WDR7: variants seen among roughly 807,000 people sequenced by gnomAD.
WDR7 encodes the protein WD repeat-containing protein 7.
In WDR7, 46 loss-of-function variants were observed where a neutral mutation model predicts 169.4. The observed-to-expected ratio is 0.27, with a 90% CI of 0.21 to 0.35. The LOEUF (loss-of-function observed/expected upper bound fraction) is 0.35. WDR7 is among the 10% of genes least tolerant of loss of function. The pLI, the probability that WDR7 is intolerant of heterozygous loss-of-function variation, is 1.00. For missense variants in WDR7, 1,534 were observed against 1,859.3 expected (o/e 0.83, Z 3.22); for synonymous variants, 612 against 666.8 (o/e 0.92, Z 1.27).
chr18:56,945,719 GACAGCCACT>G (rs2047093940), intron 25 of WDR7, among the ~76,000 whole-genome samples: 1 of 152,128 alleles, frequency 6.6e-6, no homozygotes, highest in South Asian at 2.1e-4. Flanking sequence ...GGATCCACAT[GACAGCCACT>G]ACAGCTGACT....
chr18:56,753,539 G>T (rs549724647), intron 14 of WDR7, among the ~76,000 whole-genome samples: 31 of 152,246 alleles, frequency 2.0e-4, no homozygotes, highest in African/African-American at 7.0e-4. Flanking sequence ...AATGTTGTGG[G>T]AGTTGGATTC....
At chr18:57,010,111 T>G (rs1404407361) in intron 26 of WDR7, 1 of 985,308 alleles carries the variant, frequency 1.0e-6, no homozygotes, top group Non-Finnish European at 1.2e-6. Context: ...GCTGAGGAAC[T>G]CCATGTGGAA....
chr18:56,776,801 C>G lies in WDR7; in HGVS notation c.2868C>G (p.Ser956=). The stretch of plus-strand genomic sequence containing the variant: ...TGCAAGTTGCTGCACCTGTCGTTTC[C>G]GCTCGGTCTGATGCTGATCACTCTG... ...QIKQVAAPVV[S]ARSDADHSGS... Residue 956 remains serine, a synonymous_variant, in exon 17 of 28, where the codon TCC becomes TCG. Transcript: ENST00000254442. 1.2e-6 allele frequency: 2 copies of G among 1,613,904 alleles called. No individual in the cohort carries two copies. The highest frequency in any genetic ancestry group is 1.7e-6 in the Non-Finnish European group (2 of 1,179,878).
intron 19 of WDR7, chr18:56,782,064 A>AAAAACAAAGATCTGG (rs1374927538): frequency 3.9e-5 from 6 of 153,138 alleles, no homozygotes; most frequent in African/African-American, 1.2e-4. Context: ...GAATCCTTAG[A>AAAAACAAAGATCTGG]AAAACAAAGA....
intron 26 of WDR7, among the ~76,000 whole-genome samples, chr18:56,978,298 A>T (rs1396561666): frequency 2.6e-5 from 4 of 152,214 alleles, no homozygotes. Flanking sequence ...TAGGGATAAG[A>T]CAATTTTTTA....
intron 21 of WDR7, among the ~76,000 whole-genome samples, chr18:56,887,040 C>T (rs1000208943): frequency 6.6e-6 from 1 of 152,082 alleles, no homozygotes; most frequent in African/African-American, 2.4e-5. Context: ...TTCAGTACTC[C>T]ACTAACTGTG....
Position 56,696,396 on chromosome 18 carries a change from G to T in WDR7, c.1512G>T (p.Met504Ile). The T allele has an allele frequency of 6.2e-7, 1 of 1,614,102 alleles. No individual in the cohort carries two copies. The highest frequency in any genetic ancestry group is 8.5e-7 in the Non-Finnish European group (1 of 1,179,994). Residue 504 changes from methionine to isoleucine, a missense_variant, in exon 12 of 28, where the codon ATG (methionine) becomes ATT (isoleucine). Coordinates refer to ENST00000254442, the MANE Select transcript of WDR7 (RefSeq NM_015285.3). ...VIIWDIFSGE[M>I]KHIFCVHGGE... ...TTTGGGACATATTTTCTGGAGAAAT[G>T]AAACATATCTTCTGTGTTCATGGTG...
intron 14 of WDR7, among the ~76,000 whole-genome samples, chr18:56,748,767 A>G (rs1023540829): frequency 1.9e-4 from 29 of 152,144 alleles, no homozygotes; most frequent in Non-Finnish European, 3.2e-4. Context: ...GAATAATAGT[A>G]TATATTGTCT....
At chr18:56,707,426 G>GTTT (rs1232820703) in intron 12 of WDR7, among the ~76,000 whole-genome samples, 3 of 123,862 alleles carry the variant, frequency 2.4e-5, no homozygotes, top group African/African-American at 5.9e-5. Context: ...TTTGCGTTTT[G>GTTT]TTTTTTTTTT....
chr18:56,738,182 G>A (rs1350313487), intron 14 of WDR7, among the ~76,000 whole-genome samples: 1 of 152,142 alleles, frequency 6.6e-6, no homozygotes, highest in Non-Finnish European at 1.5e-5. Flanking sequence ...TTCCATTCTG[G>A]AGAGATACTA....
intron 22 of WDR7, among the ~76,000 whole-genome samples, chr18:56,935,084 A>T (rs1396003046): frequency 6.6e-6 from 1 of 152,096 alleles, no homozygotes; most frequent in East Asian, 1.9e-4. Context: ...GCATTCTCGG[A>T]GTTTGGGAAG....
chr18:56,973,203 C>T (rs974223507), intron 26 of WDR7, among the ~76,000 whole-genome samples: 4 of 152,170 alleles, frequency 2.6e-5, no homozygotes, highest in African/African-American at 9.6e-5. Context: ...CTGTGTTACA[C>T]TTTGAATGGC....
intron 16 of WDR7, among the ~76,000 whole-genome samples, chr18:56,759,960 T>C (rs548003834): frequency 6.6e-6 from 1 of 152,182 alleles, no homozygotes; most frequent in Non-Finnish European, 1.5e-5. Context: ...TGGTTCTCAT[T>C]GTGGAAGATA....
intron 14 of WDR7, among the ~76,000 whole-genome samples, chr18:56,745,540 G>T (rs1198940697): frequency 6.6e-6 from 1 of 152,064 alleles, no homozygotes; most frequent in African/African-American, 2.4e-5. Flanking sequence ...TCACAATAGG[G>T]TTTTCACTCC....
At chr18:57,024,518 CATATCCCTATTCTCA>C (rs1395443069) in intron 27 of WDR7, among the ~76,000 whole-genome samples, 35 of 146,682 alleles carry the variant, frequency 2.4e-4, no homozygotes, top group African/African-American at 8.8e-4. Flanking sequence ...CAGGATTTCA[CATATCCCTATTCTCA>C]GACAGGAATA....
intron 16 of WDR7, among the ~76,000 whole-genome samples, chr18:56,767,905 G>T (rs541296327): frequency 3.3e-5 from 5 of 152,196 alleles, no homozygotes; most frequent in Non-Finnish European, 5.9e-5. Context: ...TGAATTCATT[G>T]ACAATATTTT....
intron 27 of WDR7, among the ~76,000 whole-genome samples, chr18:57,023,522 T>C (rs147633852): frequency 2.6e-5 from 4 of 152,362 alleles, no homozygotes; most frequent in Non-Finnish European, 5.9e-5. Context: ...TGATGAATTA[T>C]AGCTGTGTTT....
rs781610410 is a variant in WDR7 at position 56,924,053 on chromosome 18, G to A, written c.3658G>A (p.Ala1220Thr). The A allele has an allele frequency of 6.8e-6, 11 of 1,613,240 alleles. No individual in the cohort carries two copies. Among genetic ancestry groups the A allele is most frequent in the South Asian group, 4.4e-5 (4 of 90,866 alleles). Residue 1220 changes from alanine (A) to threonine (T), a missense_variant, in exon 22 of 28, where the codon GCT (alanine) becomes ACT (threonine). Coordinates refer to ENST00000254442, the MANE Select transcript of WDR7 (RefSeq NM_015285.3). ...TVWEPYMDVSAVLMGLLELCA... is the reference protein window; with the variant it reads ...TVWEPYMDVSTVLMGLLELCA... ...TTGGGAGCCTTACATGGATGTGTCC[G>A]CTGTTCTGATGGGGCTTCTCGAACT... is the stretch of plus-strand genomic sequence containing the variant.
At chr18:56,659,161 G>A (rs2024847410) in intron 1 of WDR7, among the ~76,000 whole-genome samples, 1 of 148,568 alleles carries the variant, frequency 6.7e-6, no homozygotes, top group Non-Finnish European at 1.5e-5. Context: ...AGAGGCAGGA[G>A]CGTAGGTAAA....
Sources: gnomAD v4.1 joint callset for allele counts (sites outside exome capture counted in the v4.1 genomes callset) on GRCh38, gnomAD v4.1.1 for gene constraint, MANE v1.5 for transcripts, NCBI Gene and HGNC (gene_info 2026-07-23, HGNC 2026-07-21) for gene names.